PDLIM2: variants seen among roughly 807,000 people sequenced by gnomAD.
PDLIM2 encodes PDZ and LIM domain 2, also known as PDZ and LIM domain protein 2.
Under a neutral mutation model 54.1 loss-of-function variants are expected in PDLIM2, and 51 were observed. That is an observed-to-expected ratio of 0.94 (90% CI 0.75 to 1.19). The LOEUF is 1.19. Among genes scored for constraint, PDLIM2 ranks in the 50% most tolerant of loss-of-function variants. PDLIM2 has a pLI of 0.00. For synonymous variants in PDLIM2, 398 were observed against 385.6 expected, an observed-to-expected ratio of 1.03 and a Z score of -0.38; for missense variants, 912 against 874.0, an observed-to-expected ratio of 1.04 and a Z score of -0.55.
intron 8 of PDLIM2, chr8:22,590,016 A>G: frequency 2.2e-6 from 1 of 452,358 alleles, no homozygotes; most frequent in Non-Finnish European, 4.0e-6. Flanking sequence ...AAGCGGTGGC[A>G]GGGCCTGGGG....
rs11992157 is a variant in PDLIM2 at position 22,585,909 on chromosome 8, C to G, written c.1290+510C>G. 4.7e-3 allele frequency among the ~76,000 whole-genome samples: 716 copies of G among 151,448 alleles called. 4 individuals are homozygous for G. Among genetic ancestry groups the G allele is most frequent in the African/African-American group, 0.012 (504 of 41,290 alleles). On this transcript the variant is annotated intron_variant, in intron 6 of 9. Coordinates refer to ENST00000308354, the Ensembl canonical transcript of PDLIM2. ...GCGCTCTTGGCTTATTCTGTCTCCT[C>G]CTCCCCCTACCCCCGCCAGCTCCCC...
downstream of PDLIM2, chr8:22,594,348 G>A: frequency 6.8e-7 from 1 of 1,465,996 alleles, no homozygotes; most frequent in South Asian, 1.4e-5. Context: ...GGTATGACCT[G>A]CTCCCACCAC....
chr8:22,579,628 G>A (rs11786352), intron 1 of PDLIM2: 263,709 of 1,287,642 alleles, frequency 0.2, 28,107 homozygotes, highest in Non-Finnish European at 0.22. Flanking sequence ...AAGGCAGCCG[G>A]GGATGGAGCG....
intron 3 of PDLIM2, among the ~76,000 whole-genome samples, chr8:22,584,303 C>T (rs145052336): frequency 7.2e-5 from 11 of 151,882 alleles, no homozygotes; most frequent in East Asian, 3.9e-4. Flanking sequence ...CGTGAGCCAC[C>T]GTGCCCGGCC....
chr8:22,584,773 C>T (rs538964378), intron 3 of PDLIM2, 48 bp from the exon 3 acceptor site: 13 of 1,585,138 alleles, frequency 8.2e-6, no homozygotes, highest in East Asian at 4.5e-5. Flanking sequence ...TTGGGGGTTG[C>T]AGGGTGCAGG....
exon 10 of PDLIM2, chr8:22,593,949 G>T (rs1211724378): frequency 6.5e-7 from 1 of 1,535,854 alleles, no homozygotes; most frequent in Admixed American, 2.0e-5. Context: ...GCTGGGCCAG[G>T]GTCATGCCTA....
intron 8 of PDLIM2, chr8:22,591,271 A>G (rs2117365846): frequency 3.8e-6 from 2 of 521,422 alleles, no homozygotes; most frequent in Non-Finnish European, 7.0e-6. Flanking sequence ...TTACCAGGTC[A>G]TTAGAGAGGG....
At chr8:22,582,905 G>GCCC (rs1182002845) in intron 3 of PDLIM2, among the ~76,000 whole-genome samples, 2 of 54,414 alleles carry the variant, frequency 3.7e-5, no homozygotes, top group African/African-American at 8.3e-5. Context: ...CTGACGTGAT[G>GCCC]CCCACCCCCC....
chr8:22,583,706 G>T (rs1420696248), intron 3 of PDLIM2, among the ~76,000 whole-genome samples: 1 of 151,956 alleles, frequency 6.6e-6, no homozygotes, highest in Non-Finnish European at 1.5e-5. Context: ...GGTGGAGGTT[G>T]CAGTGAGCCG....
Position 22,585,313 on chromosome 8 carries a change from A to T in PDLIM2, c.1212-8A>T. On this transcript the variant is annotated splice_polypyrimidine_tract_variant and splice_region_variant and intron_variant, in intron 5 of 9. Transcript: ENST00000308354. ...CCCTGGCACACACTGTCCCTTTCCCACTTTCAGCTTCCAGAGTCTGGCATG... is the reference window on the plus strand; with the variant it reads ...CCCTGGCACACACTGTCCCTTTCCCTCTTTCAGCTTCCAGAGTCTGGCATG... 2 of 1,612,700 alleles carry T rather than the reference A, an allele frequency of 1.2e-6. No homozygotes were observed. Among genetic ancestry groups the T allele is most frequent in the African/African-American group, 2.7e-5 (2 of 74,978 alleles).
intron 9 of PDLIM2, chr8:22,592,063 T>C (rs1800565978): frequency 6.6e-6 from 1 of 151,022 alleles, no homozygotes; most frequent in African/African-American, 2.5e-5. Flanking sequence ...TCTTTTCTTT[T>C]CTTTCTTTCT....
At chr8:22,594,873 C>T, downstream of PDLIM2, 1 of 544,648 alleles carries the variant, frequency 1.8e-6, no homozygotes, top group Non-Finnish European at 3.1e-6. Flanking sequence ...CTGCCTTAAG[C>T]TGTGATCATG....
chr8:22,578,892 G>A (rs1800107546), exon 1 of PDLIM2: 1 of 1,238,164 alleles, frequency 8.1e-7, no homozygotes, highest in African/African-American at 1.5e-5. Context: ...TGTGCTCCGG[G>A]CAGTCGGGGG....
chr8:22,580,248 A>G, intron 1 of PDLIM2: 1 of 354,896 alleles, frequency 2.8e-6, no homozygotes. Flanking sequence ...CTGATGGTGG[A>G]GGAGGGGAGA....
At chr8:22,584,987 C>G in intron 4 of PDLIM2, 30 bp from the exon 4 acceptor site, 8 of 1,613,242 alleles carry the variant, frequency 5.0e-6, no homozygotes, top group Non-Finnish European at 5.9e-6. Flanking sequence ...GGCAGCCCTG[C>G]CTTTCCTGAC....
chr8:22,591,666 C>A, exon 9 of PDLIM2: 1 of 1,608,574 alleles, frequency 6.2e-7, no homozygotes, highest in Non-Finnish European at 8.5e-7. Context: ...GTACCAGCAT[C>A]GCGTGAGTGT....
chr8:22,589,226 G>A (rs1402926702), intron 6 of PDLIM2, 72 bp from the exon 6 acceptor site: 1 of 1,491,108 alleles, frequency 6.7e-7, no homozygotes, highest in South Asian at 1.2e-5. Flanking sequence ...GGAACAGCCG[G>A]GCTAGGCCCT....
exon 10 of PDLIM2, chr8:22,594,030 CCCTTTG>C: frequency 6.9e-7 from 1 of 1,457,554 alleles, no homozygotes; most frequent in Non-Finnish European, 9.0e-7. Context: ...GACCTGAGGC[CCCTTTG>C]TCCTCGCTGG....
At chr8:22,578,857 G>C (rs552998142) in exon 1 of PDLIM2, 10 of 1,234,466 alleles carry the variant, frequency 8.1e-6, no homozygotes, top group Non-Finnish European at 1.0e-5. Flanking sequence ...AGTGGGGCGC[G>C]GGGCAGTCCC....
Sources: gnomAD v4.1 joint callset for allele counts (sites outside exome capture counted in the v4.1 genomes callset) on GRCh38, gnomAD v4.1.1 for gene constraint, MANE v1.5 for transcripts, NCBI Gene and HGNC (gene_info 2026-07-23, HGNC 2026-07-21) for gene names.